The following DMD variants were observed in gnomAD, a reference collection of about 807,000 sequenced individuals.
DMD encodes dystrophin, also known as mutant dystrophin.
DMD carries 63 observed loss-of-function variants against 330.1 expected under a neutral mutation model. The observed-to-expected ratio is 0.19, with a 90% CI of 0.16 to 0.24. The LOEUF (loss-of-function observed/expected upper bound fraction) is 0.24. Ranked by LOEUF, DMD falls within the 10% of genes least tolerant of loss-of-function variation. The probability of loss-of-function intolerance (pLI) is 1.00; values close to 1 mark genes in which losing one functional copy is unlikely to be tolerated. For synonymous variants in DMD, 1,223 were observed against 959.8 expected, an observed-to-expected ratio of 1.27 and a Z score of -5.07; for missense variants, 3,344 against 2,684.1, an observed-to-expected ratio of 1.25 and a Z score of -5.43.
chrX:32,609,134 G>A (rs1270085948), intron 12 of DMD, among the ~76,000 whole-genome samples: 1 of 110,007 alleles, frequency 9.1e-6, no homozygotes. Flanking sequence ...TAGTCCTATT[G>A]GTTTTGATTT....
chrX:31,729,192 G>A (rs985133090), intron 52 of DMD, among the ~76,000 whole-genome samples: 5 of 111,717 alleles, frequency 4.5e-5, no homozygotes, highest in African/African-American at 6.5e-5. Context: ...TCAAAGTAGC[G>A]GAGAGATATC....
chrX:32,428,574 T>G (rs1048268082), intron 29 of DMD, among the ~76,000 whole-genome samples: 4 of 112,041 alleles, frequency 3.6e-5, no homozygotes, highest in African/African-American at 1.3e-4. Context: ...TGTGGATTTT[T>G]GCTTTACGTG....
chrX:31,401,583 G>A (rs2061195581), intron 60 of DMD, among the ~76,000 whole-genome samples: 2 of 111,057 alleles, frequency 1.8e-5, no homozygotes, highest in African/African-American at 6.5e-5. Context: ...CACAGTCAGG[G>A]AAACCAAACC....
At chrX:32,307,937 A>C (rs997334017) in intron 42 of DMD, among the ~76,000 whole-genome samples, 2 of 111,228 alleles carry the variant, frequency 1.8e-5, no homozygotes, top group Non-Finnish European at 3.8e-5. Context: ...AACTTTGTAC[A>C]TATAAGCAAT....
chrX:32,690,659 GAACAGAAT>G (rs1471482039), intron 9 of DMD, among the ~76,000 whole-genome samples: 4 of 100,771 alleles, frequency 4.0e-5, no homozygotes, highest in African/African-American at 1.9e-4. Context: ...TAGACCAATA[GAACAGAAT>G]AGAGCCCAGA....
chrX:32,241,061 T>A (rs971528916), intron 43 of DMD, among the ~76,000 whole-genome samples: 1 of 112,279 alleles, frequency 8.9e-6, no homozygotes, highest in African/African-American at 3.2e-5. Context: ...TGTCTCTTCT[T>A]CCATTTTATT....
intron 30 of DMD, among the ~76,000 whole-genome samples, chrX:32,398,412 A>G (rs773824445): frequency 1.8e-5 from 2 of 110,611 alleles, no homozygotes; most frequent in Non-Finnish European, 3.8e-5. Flanking sequence ...TCCTTGACAT[A>G]TGAGTTTTGT....
At chrX:32,713,746 C>T (rs1056755669) in intron 7 of DMD, among the ~76,000 whole-genome samples, 3 of 111,564 alleles carry the variant, frequency 2.7e-5, no homozygotes, top group Admixed American at 9.6e-5. Flanking sequence ...CACAGAGAGT[C>T]GCATACATAC....
At chrX:32,747,163 T>A (rs1000096687) in intron 7 of DMD, among the ~76,000 whole-genome samples, 1 of 112,469 alleles carries the variant, frequency 8.9e-6, no homozygotes, top group African/African-American at 3.2e-5. Context: ...CTCCAGAAAA[T>A]TCTGATGTGC....
At chrX:33,035,993 T>C (rs984712342) in intron 1 of DMD, among the ~76,000 whole-genome samples, 1 of 111,775 alleles carries the variant, frequency 8.9e-6, no homozygotes, top group Non-Finnish European at 1.9e-5. Flanking sequence ...GATTAGGAAA[T>C]CAAAATTCAA....
intron 1 of DMD, among the ~76,000 whole-genome samples, chrX:33,324,536 C>T (rs989560249): frequency 9.9e-5 from 11 of 110,836 alleles, no homozygotes; most frequent in Admixed American, 1.9e-4. Context: ...AATAATGGAA[C>T]GCTCCTTCAA....
At chrX:32,185,277 G>C in intron 44 of DMD, among the ~76,000 whole-genome samples, 1 of 110,104 alleles carries the variant, frequency 9.1e-6, no homozygotes, top group Non-Finnish European at 1.9e-5. Context: ...CATTGAATGA[G>C]GGAGCCAAAC....
chrX:33,328,307 G>A (rs774467077), intron 1 of DMD, among the ~76,000 whole-genome samples: 5 of 110,891 alleles, frequency 4.5e-5, no homozygotes, highest in African/African-American at 1.6e-4. Flanking sequence ...GGGTTCAAGC[G>A]ATTCTTCTGC....
At chrX:31,761,907 G>GC (rs2089623333) in intron 51 of DMD, among the ~76,000 whole-genome samples, 1 of 112,188 alleles carries the variant, frequency 8.9e-6, no homozygotes, top group African/African-American at 3.2e-5. Context: ...ATAGCCAGCT[G>GC]CCTATCCGAT....
intron 18 of DMD, chrX:32,517,735 A>G (rs1306563642): frequency 2.4e-6 from 1 of 413,614 alleles, no homozygotes; most frequent in Non-Finnish European, 4.2e-6. Flanking sequence ...ACATGAATTA[A>G]TGTCATAAAA....
At chrX:32,447,977 A>G (rs755536053) in intron 27 of DMD, among the ~76,000 whole-genome samples, 3 of 111,416 alleles carry the variant, frequency 2.7e-5, no homozygotes, top group African/African-American at 9.7e-5. Context: ...TGTCTAACAA[A>G]GAACTCTATG....
chrX:32,142,725 C>T (rs969748220), intron 44 of DMD, among the ~76,000 whole-genome samples: 7 of 112,240 alleles, frequency 6.2e-5, no homozygotes, highest in African/African-American at 1.9e-4. Context: ...CCCCAATAAA[C>T]TCATGGATAC....
intron 1 of DMD, among the ~76,000 whole-genome samples, chrX:33,315,946 C>T (rs1439273654): frequency 9.1e-6 from 1 of 110,472 alleles, no homozygotes; most frequent in Non-Finnish European, 1.9e-5. Context: ...ACATATGTTC[C>T]TTTATTGAGT....
intron 1 of DMD, among the ~76,000 whole-genome samples, chrX:33,026,140 C>G (rs1456255759): frequency 1.9e-5 from 2 of 107,608 alleles, no homozygotes; most frequent in East Asian, 5.8e-4. Context: ...TCAAGACCAT[C>G]CTGGCTAACA....
Sources: gnomAD v4.1 joint callset for allele counts (sites outside exome capture counted in the v4.1 genomes callset) on GRCh38, gnomAD v4.1.1 for gene constraint, MANE v1.5 for transcripts, NCBI Gene and HGNC (gene_info 2026-07-23, HGNC 2026-07-21) for gene names.